Variants in GALNTL6 observed in about 807,000 individuals in gnomAD.
GALNTL6 encodes the protein polypeptide N-acetylgalactosaminyltransferase like 6.
Under a neutral mutation model 73.7 loss-of-function variants are expected in GALNTL6, and 46 were observed. That is an observed-to-expected ratio of 0.62 (90% CI 0.49 to 0.80). GALNTL6 has a LOEUF of 0.80. Ranked by LOEUF, GALNTL6 falls within the 30% of genes least tolerant of loss-of-function variation. The probability of loss-of-function intolerance (pLI) is 0.00; values close to 1 mark genes in which losing one functional copy is unlikely to be tolerated. For missense variants in GALNTL6, 604 were observed against 755.0 expected (o/e 0.80, Z 2.34); for synonymous variants, 259 against 263.7 (o/e 0.98, Z 0.17).
intron 2 of GALNTL6, among the ~76,000 whole-genome samples, chr4:172,179,650 CTT>C (rs1434324253): frequency 1.4e-5 from 2 of 147,850 alleles, no homozygotes. Context: ...TGCAGAAGCT[CTT>C]TAGTTTAATT....
At chr4:172,306,433 T>C (rs1009831307) in intron 3 of GALNTL6, among the ~76,000 whole-genome samples, 1 of 152,144 alleles carries the variant, frequency 6.6e-6, no homozygotes, top group African/African-American at 2.4e-5. Context: ...AAAAATATGT[T>C]GAAGAAAGGA....
At chr4:172,127,594 CTT>C (rs1449882323) in intron 2 of GALNTL6, among the ~76,000 whole-genome samples, 4 of 152,212 alleles carry the variant, frequency 2.6e-5, no homozygotes, top group African/African-American at 7.2e-5. Flanking sequence ...TCTGATAACT[CTT>C]TTTCTAGCTT....
At chr4:172,644,981 AT>A (rs1740172118) in intron 5 of GALNTL6, among the ~76,000 whole-genome samples, 1 of 151,996 alleles carries the variant, frequency 6.6e-6, no homozygotes, top group Non-Finnish European at 1.5e-5. Flanking sequence ...TGCATAATGA[AT>A]GTTTAAGTAC....
intron 8 of GALNTL6, among the ~76,000 whole-genome samples, chr4:172,894,881 G>A (rs1174740993): frequency 6.6e-6 from 1 of 150,596 alleles, no homozygotes; most frequent in Admixed American, 6.6e-5. Context: ...GGGTGCACAT[G>A]TATTTATAAT....
At chr4:172,516,579 C>T (rs1375274392) in intron 5 of GALNTL6, among the ~76,000 whole-genome samples, 2 of 151,748 alleles carry the variant, frequency 1.3e-5, no homozygotes, top group African/African-American at 4.8e-5. Context: ...TAGGTAAAAC[C>T]GTATGGGTGT....
intron 5 of GALNTL6, among the ~76,000 whole-genome samples, chr4:172,496,589 G>C (rs1734080094): frequency 6.6e-6 from 1 of 152,056 alleles, no homozygotes; most frequent in Non-Finnish European, 1.5e-5. Flanking sequence ...AAGCTGAGGT[G>C]GGGGGATCAC....
intron 1 of GALNTL6, 33 bp from the exon 2 acceptor site, chr4:171,814,379 T>C (rs1260954481): frequency 6.6e-6 from 4 of 602,482 alleles, no homozygotes; most frequent in East Asian, 2.8e-5. Flanking sequence ...CATAGTTTTC[T>C]GGGGGGAAAG....
chr4:172,639,307 T>C (rs1739851609), intron 5 of GALNTL6, among the ~76,000 whole-genome samples: 1 of 152,156 alleles, frequency 6.6e-6, no homozygotes, highest in Non-Finnish European at 1.5e-5. Context: ...TTTCCGATGT[T>C]ACTCTATCCT....
At chr4:171,968,956 C>A (rs1024288343) in intron 2 of GALNTL6, among the ~76,000 whole-genome samples, 3 of 151,964 alleles carry the variant, frequency 2.0e-5, no homozygotes, top group East Asian at 1.9e-4. Flanking sequence ...CCTGCCTCAG[C>A]CTCCTGAGTA....
intron 2 of GALNTL6, among the ~76,000 whole-genome samples, chr4:171,821,907 T>A (rs490915): frequency 0.69 from 105,396 of 151,852 alleles, 38,849 homozygotes; most frequent in Admixed American, 0.83. Context: ...ATAAGTTGAT[T>A]ATTTTAATTT....
chr4:172,147,918 T>C (rs72700958), intron 2 of GALNTL6, among the ~76,000 whole-genome samples: 3,189 of 152,252 alleles, frequency 0.021, 33 homozygotes, highest in Non-Finnish European at 0.031. Context: ...AATAGCATTG[T>C]GAATAAACTT....
intron 5 of GALNTL6, among the ~76,000 whole-genome samples, chr4:172,599,839 A>G (rs907621220): frequency 6.6e-6 from 1 of 152,130 alleles, no homozygotes; most frequent in Non-Finnish European, 1.5e-5. Flanking sequence ...ACTTAGTCAC[A>G]TTGCTTATAA....
chr4:171,962,355 C>T (rs187027254), intron 2 of GALNTL6, among the ~76,000 whole-genome samples: 191 of 152,160 alleles, frequency 1.3e-3, no homozygotes, highest in African/African-American at 4.3e-3. Context: ...ATAGGAGATC[C>T]GCACAAGATA....
chr4:172,548,297 C>G (rs1340330800), intron 5 of GALNTL6, among the ~76,000 whole-genome samples: 1 of 152,156 alleles, frequency 6.6e-6, no homozygotes, highest in African/African-American at 2.4e-5. Context: ...TTCTGCAAGA[C>G]CTTCACCACT....
At chr4:171,979,616 A>T (rs1739830761) in intron 2 of GALNTL6, among the ~76,000 whole-genome samples, 2 of 152,190 alleles carry the variant, frequency 1.3e-5, no homozygotes, top group Non-Finnish European at 2.9e-5. Context: ...CCTGGGGCAG[A>T]GTTTCCCAAA....
chr4:172,012,594 C>T lies in GALNTL6; in HGVS notation c.138+197876C>T, dbSNP rs1429022856. Among the ~76,000 whole-genome samples, 3 of 151,996 alleles carry T rather than the reference C, an allele frequency of 2.0e-5. No homozygotes were observed. In the East Asian group the frequency reaches 5.8e-4, roughly 29 times the overall value. On this transcript the variant is annotated intron_variant, in intron 2 of 12. Transcript: ENST00000506823. ...TTTGGGAATGAACTGTAAACCCTCT[C>T]CTGAGGTTTTCACAGCTCATGTGGA... is the stretch of plus-strand genomic sequence containing the variant.
chr4:171,871,939 G>T (rs7655741), intron 2 of GALNTL6, among the ~76,000 whole-genome samples: 37,597 of 151,900 alleles, frequency 0.25, 4,692 homozygotes, highest in Middle Eastern at 0.33. Context: ...ATAATCCAGT[G>T]TTGCACCCTC....
At chr4:172,813,841 A>G in intron 7 of GALNTL6, 118 bp downstream of exon 7, 2 of 737,436 alleles carry the variant, frequency 2.7e-6, no homozygotes, top group Non-Finnish European at 4.3e-6. Flanking sequence ...AGGCGGCAAC[A>G]ATATGCAAAA....
At chr4:172,198,305 TATC>T (rs1226864498) in intron 2 of GALNTL6, among the ~76,000 whole-genome samples, 7 of 151,638 alleles carry the variant, frequency 4.6e-5, no homozygotes, top group East Asian at 1.9e-4. Flanking sequence ...ACAAAAATCC[TATC>T]ATCAGCGCAA....
Sources: gnomAD v4.1 joint callset for allele counts (sites outside exome capture counted in the v4.1 genomes callset) on GRCh38, gnomAD v4.1.1 for gene constraint, MANE v1.5 for transcripts, NCBI Gene and HGNC (gene_info 2026-07-23, HGNC 2026-07-21) for gene names.